Variants in MAGI2 observed in about 807,000 individuals in gnomAD.
The protein encoded by MAGI2 is membrane-associated guanylate kinase, WW and PDZ domain-containing protein 2.
MAGI2 carries 35 observed loss-of-function variants against 133.3 expected under a neutral mutation model. That is an observed-to-expected ratio of 0.26 (90% CI 0.20 to 0.35). The LOEUF (loss-of-function observed/expected upper bound fraction) is 0.35, where lower values mean the gene tolerates loss of function less well. MAGI2 is among the 10% of genes least tolerant of loss of function. The probability of loss-of-function intolerance (pLI) is 1.00; values close to 1 mark genes in which losing one functional copy is unlikely to be tolerated. For synonymous variants in MAGI2, 729 were observed against 710.6 expected, an observed-to-expected ratio of 1.03 and a Z score of -0.41; for missense variants, 1,636 against 1,863.4, an observed-to-expected ratio of 0.88 and a Z score of 2.25.
At chr7:78,781,215 A>G (rs1232382583) in intron 2 of MAGI2, among the ~76,000 whole-genome samples, 1 of 151,536 alleles carries the variant, frequency 6.6e-6, no homozygotes, top group African/African-American at 2.4e-5. Context: ...CGTCTTTACT[A>G]AAAAATACAA....
At chr7:79,358,203 CT>C (rs1327210501) in intron 1 of MAGI2, among the ~76,000 whole-genome samples, 3 of 152,112 alleles carry the variant, frequency 2.0e-5, no homozygotes, top group African/African-American at 4.8e-5. Flanking sequence ...ACACTTCCCC[CT>C]ACCCCTGCAC....
In MAGI2 at chr7:78,517,217, C is replaced by T. The variant is rs566628185; in HGVS notation, c.754+4213G>A. Among the ~76,000 whole-genome samples the T allele has an allele frequency of 6.2e-4, 85 of 137,484 alleles. 1 individual carries two copies. The highest frequency in any genetic ancestry group is 7.2e-3 in the Middle Eastern group (2 of 276). 90.2% of individuals were successfully genotyped at this position (137,484 alleles called of 152,430 possible). ...GGGATATAAATTTTAAACATCGGTT[C>T]AAAAACAATCTGTAAGATGATGTAA... On this transcript the variant is annotated intron_variant, in intron 4 of 21. Coordinates refer to ENST00000354212, the MANE Select transcript of MAGI2 (RefSeq NM_012301.4).
At chr7:78,639,390 A>C (rs766667665) in intron 2 of MAGI2, among the ~76,000 whole-genome samples, 1 of 152,136 alleles carries the variant, frequency 6.6e-6, no homozygotes, top group Non-Finnish European at 1.5e-5. Context: ...CCAAATTATC[A>C]TGGAGGGAAG....
At chr7:79,340,439 T>C (rs1296043582) in intron 1 of MAGI2, among the ~76,000 whole-genome samples, 2 of 152,168 alleles carry the variant, frequency 1.3e-5, no homozygotes, top group Non-Finnish European at 2.9e-5. Flanking sequence ...CTTGCACTTA[T>C]GATTCATGGT....
intron 7 of MAGI2, among the ~76,000 whole-genome samples, chr7:78,346,691 T>C (rs1790947207): frequency 6.6e-6 from 1 of 152,194 alleles, no homozygotes; most frequent in African/African-American, 2.4e-5. Flanking sequence ...CCAGCTAAAC[T>C]GAGAGCTTAT....
chr7:78,465,973 G>A (rs1790583568), intron 6 of MAGI2, among the ~76,000 whole-genome samples: 1 of 152,050 alleles, frequency 6.6e-6, no homozygotes, highest in South Asian at 2.1e-4. Flanking sequence ...ATTTAAAAGG[G>A]GCTGTCTTAC....
chr7:78,337,552 G>A (rs1219859977), intron 9 of MAGI2, among the ~76,000 whole-genome samples: 2 of 152,272 alleles, frequency 1.3e-5, no homozygotes, highest in South Asian at 4.2e-4. Context: ...ACCTAGAGCT[G>A]GAGAAGTTGA....
chr7:78,054,044 G>C (rs1812298382), intron 21 of MAGI2, among the ~76,000 whole-genome samples: 2 of 152,040 alleles, frequency 1.3e-5, no homozygotes, highest in African/African-American at 4.8e-5. Flanking sequence ...CTCTTTATAA[G>C]TGGAGGAAAC....
At chr7:79,054,187 C>T (rs758671037) in intron 1 of MAGI2, among the ~76,000 whole-genome samples, 8 of 152,030 alleles carry the variant, frequency 5.3e-5, no homozygotes, top group Non-Finnish European at 1.2e-4. Flanking sequence ...CATAGCGAGA[C>T]TCTGTCTCAA....
At chr7:79,353,847 G>T (rs944219387) in intron 1 of MAGI2, 1 of 204,328 alleles carries the variant, frequency 4.9e-6, no homozygotes. Flanking sequence ...ACTGCTGGGA[G>T]CCCTGCTTAT....
At chr7:78,248,727 G>T (rs1792056427) in intron 10 of MAGI2, among the ~76,000 whole-genome samples, 2 of 151,994 alleles carry the variant, frequency 1.3e-5, no homozygotes, top group Admixed American at 1.3e-4. Flanking sequence ...AAATCAAAAT[G>T]CATTAAAAAC....
chr7:78,594,443 A>C (rs1294836906), intron 3 of MAGI2, among the ~76,000 whole-genome samples: 1 of 152,054 alleles, frequency 6.6e-6, no homozygotes, highest in South Asian at 2.1e-4. Flanking sequence ...TGACAAGATA[A>C]CAAAGGAATT....
intron 1 of MAGI2, among the ~76,000 whole-genome samples, chr7:79,235,148 C>G (rs13308108): frequency 6.6e-6 from 1 of 152,012 alleles, no homozygotes; most frequent in Non-Finnish European, 1.5e-5. Context: ...GCAGTCTGCC[C>G]GTTCTCAGAT....
intron 2 of MAGI2, among the ~76,000 whole-genome samples, chr7:78,965,425 G>C (rs1178123919): frequency 6.6e-6 from 1 of 151,834 alleles, no homozygotes; most frequent in Non-Finnish European, 1.5e-5. Flanking sequence ...TGTTCCCTTT[G>C]CTAGTCTTAG....
chr7:79,087,988 T>A (rs1816682616), intron 1 of MAGI2, among the ~76,000 whole-genome samples: 1 of 152,080 alleles, frequency 6.6e-6, no homozygotes, highest in Admixed American at 6.6e-5. Flanking sequence ...GCCTTATTGG[T>A]TCCATACTAA....
At chr7:78,597,573 A>G (rs1003470102) in intron 3 of MAGI2, among the ~76,000 whole-genome samples, 1 of 152,186 alleles carries the variant, frequency 6.6e-6, no homozygotes, top group Non-Finnish European at 1.5e-5. Flanking sequence ...AGAGAAATAA[A>G]GGGAAAGGCA....
chr7:78,893,171 C>A (rs1362811108), intron 2 of MAGI2, among the ~76,000 whole-genome samples: 1 of 151,702 alleles, frequency 6.6e-6, no homozygotes, highest in African/African-American at 2.4e-5. Flanking sequence ...AAATCAAAAC[C>A]ACAAGGAGAT....
Position 79,219,950 on chromosome 7 carries a change from C to T in MAGI2, c.302-212744G>A, listed in dbSNP as rs527815502. 3.5e-4 allele frequency among the ~76,000 whole-genome samples: 53 copies of T among 152,020 alleles called. 1 individual carries two copies. Among genetic ancestry groups the T allele is most frequent in the African/African-American group, 9.9e-4 (41 of 41,374 alleles). Reference sequence around the variant, plus strand: ...AGCTGGGGCTAATAAATAATACACACGATTTTTTTTTGTTCTTATCCTCAC... The same window carrying T: ...AGCTGGGGCTAATAAATAATACACATGATTTTTTTTTGTTCTTATCCTCAC... On this transcript the variant is annotated intron_variant, in intron 1 of 21. Transcript: ENST00000354212.
chr7:78,861,272 A>G (rs1190885458), intron 2 of MAGI2, among the ~76,000 whole-genome samples: 1 of 152,194 alleles, frequency 6.6e-6, no homozygotes, highest in Non-Finnish European at 1.5e-5. Flanking sequence ...CCAGTACCTC[A>G]GTTGGAAATG....
Sources: allele counts gnomAD v4.1 joint callset (sites outside exome capture counted in the v4.1 genomes callset), GRCh38; gene constraint gnomAD v4.1.1; transcripts MANE v1.5; gene names NCBI Gene and HGNC (gene_info 2026-07-23, HGNC 2026-07-21).